Variants in PCDHB1 observed in about 807,000 individuals in gnomAD.
The protein encoded by PCDHB1 is protocadherin beta 1.
Under a neutral mutation model 43.5 loss-of-function variants are expected in PCDHB1, and 44 were observed. The observed-to-expected ratio is 1.01, with a 90% confidence interval of 0.79 to 1.30. The LOEUF is 1.30. PCDHB1 is among the 50% of genes most tolerant of loss of function. The pLI is 0.00. For synonymous variants in PCDHB1, 392 were observed against 400.8 expected (o/e 0.98, Z 0.26); for missense variants, 919 against 1,008.9 (o/e 0.91, Z 1.21).
chr5:141,053,465 T>C lies in PCDHB1; in HGVS notation c.1995T>C (p.Asp665=), dbSNP rs1554267465. Residue 665 remains aspartate, a synonymous_variant, in exon 1 of 1, where the codon GAT becomes GAC. Coordinates refer to ENST00000306549, the MANE Select transcript of PCDHB1 (RefSeq NM_013340.4). ...TTVSLNILLV[D]GFSEPYLQFQ... is the part of the protein sequence containing the mutation. ...TCTCACTCAACATCCTGCTGGTAGA[T>C]GGCTTTTCAGAGCCCTACCTGCAGT... 5 of 1,614,190 alleles carry C rather than the reference T, an allele frequency of 3.1e-6. No individual in the cohort carries two copies. In the South Asian group the frequency reaches 4.4e-5, roughly 14 times the overall value.
rs554397041 is a variant in PCDHB1, at chr5:141,052,619, C to G, written c.1149C>G (p.Thr383=). 3 of 1,614,112 alleles carry G rather than the reference C, an allele frequency of 1.9e-6. No individual in the cohort carries two copies. The African/African-American group carries it at 4.0e-5, about 22-fold the overall frequency. Residue 383 remains threonine, a synonymous_variant, in exon 1 of 1, where the codon ACC becomes ACG. Coordinates refer to ENST00000306549, the MANE Select transcript of PCDHB1 (RefSeq NM_013340.4). ...ACATTCGAGTGGGAGGAAAAGTCAC[C>G]TGCTTCCTCAGAGAAGACCTTCCCT... The part of the protein sequence containing the change: ...DRDIRVGGKV[T]CFLREDLPFV...
chr5:141,052,721 C>T lies in PCDHB1; in HGVS notation c.1251C>T (p.Gly417=). 6.2e-7 allele frequency: 1 copy of T among 1,614,166 alleles called. No homozygotes were observed. Among genetic ancestry groups the T allele is most frequent in the Non-Finnish European group, 8.5e-7 (1 of 1,180,014 alleles). The change falls in exon 1 of 1, where the codon GGC becomes GGT. Residue 417 remains glycine (G), a synonymous_variant. Coordinates refer to ENST00000306549, the MANE Select transcript of PCDHB1 (RefSeq NM_013340.4). The part of the protein sequence containing the change: ...DRSLDREEVS[G]YNITIVAMDT... ...GCTTGGATCGGGAGGAGGTCTCAGGCTATAATATCACCATTGTTGCCATGG... is the reference window on the plus strand; with the variant it reads ...GCTTGGATCGGGAGGAGGTCTCAGGTTATAATATCACCATTGTTGCCATGG...
rs1454729665 is a variant in PCDHB1 at position 141,051,560 on chromosome 5, T to A, written c.90T>A (p.Thr30=). The A allele has an allele frequency of 6.2e-7, 1 of 1,614,128 alleles. No homozygotes were observed. The highest frequency in any genetic ancestry group is 1.7e-5 in the Admixed American group (1 of 60,010). Residue 30 remains threonine (T), a synonymous_variant, in exon 1 of 1, where the codon ACT becomes ACA. Coordinates refer to ENST00000306549, the MANE Select transcript of PCDHB1 (RefSeq NM_013340.4). Reference sequence around the variant, plus strand: ...GCATATCTGTGGGGGATGCGACAACTATCCGCTATTCAGTGGCAGAGGAAA... The same window carrying A: ...GCATATCTGTGGGGGATGCGACAACAATCCGCTATTCAGTGGCAGAGGAAA... ...FLCISVGDAT[T]IRYSVAEEME...
In PCDHB1 at chr5:141,052,935, T is replaced by C; in HGVS notation, c.1465T>C (p.Tyr489His). 6.2e-7 allele frequency: 1 copy of C among 1,614,192 alleles called. No individual in the cohort carries two copies. The highest frequency in any genetic ancestry group is 8.5e-7 in the Non-Finnish European group (1 of 1,180,032). ...TTTGGGTGAGAATGCCCAAATAACATATTCTCTGTTGCCTCCAAAAAACGG... is the reference window on the plus strand; with the variant it reads ...TTTGGGTGAGAATGCCCAAATAACACATTCTCTGTTGCCTCCAAAAAACGG... The part of the protein sequence containing the change: ...LDLGENAQIT[Y>H]SLLPPKNGDL... Residue 489 changes from tyrosine (Y) to histidine (H), a missense_variant, in exon 1 of 1, where the codon TAT becomes CAT. Transcript: ENST00000306549.
rs782730367 is a variant in PCDHB1, at chr5:141,052,747, A to T, written c.1277A>T (p.Asp426Val). 34 of 1,614,164 alleles carry T rather than the reference A, an allele frequency of 2.1e-5. 1 individual carries two copies. In the South Asian group the frequency reaches 3.6e-4, roughly 17 times the overall value. The change falls in exon 1 of 1, where the codon GAT becomes GTT. Residue 426 changes from aspartate (D) to valine (V), a missense_variant. By Grantham distance (152) the Asp-to-Val change is radical. Coordinates refer to ENST00000306549, the MANE Select transcript of PCDHB1 (RefSeq NM_013340.4). ...SGYNITIVAM[D>V]TGPPSLSAET... The stretch of plus-strand genomic sequence containing the variant: ...TATAATATCACCATTGTTGCCATGG[A>T]TACTGGACCACCTAGCTTGTCTGCC...
chr5:141,052,869 C>T lies in PCDHB1; in HGVS notation c.1399C>T (p.Pro467Ser), dbSNP rs782144889. The T allele has an allele frequency of 1.2e-6, 2 of 1,614,146 alleles. No individual in the cohort carries two copies. The highest frequency in any genetic ancestry group is 2.7e-5 in the African/African-American group (2 of 75,016). Residue 467 changes from proline to serine, a missense_variant, in exon 1 of 1, where the codon CCT becomes TCT. Coordinates refer to ENST00000306549, the MANE Select transcript of PCDHB1 (RefSeq NM_013340.4). The stretch of plus-strand genomic sequence containing the variant: ...CTTGACTGTTCGAGAAAACAACAGT[C>T]CTGCGGTTTTTATTGGCAAAGTCCA... ...YILTVRENNSPAVFIGKVHAE... is the reference protein window; with the variant it reads ...YILTVRENNSSAVFIGKVHAE...
chr5:141,057,540 CAAAAAAAAA>C lies in PCDHB1; in HGVS notation c.*3623_*3631del, dbSNP rs370497604. Reference sequence around the variant, plus strand: ...CTGGCGACAAAGCAAGACTCTGTCTCAAAAAAAAAAAAAAAAAAGAAAAAAAGAAAAAAG... The same window carrying C: ...CTGGCGACAAAGCAAGACTCTGTCTCAAAAAAAAAGAAAAAAAGAAAAAAG... On this transcript the variant is annotated 3_prime_UTR_variant, in exon 1 of 1. Coordinates refer to ENST00000306549, the MANE Select transcript of PCDHB1 (RefSeq NM_013340.4). The C allele has an allele frequency of 2.8e-5, 2 of 72,356 alleles. No homozygotes were observed. Among genetic ancestry groups the C allele is most frequent in the South Asian group, 9.0e-4 (2 of 2,234 alleles). 4.5% of individuals were successfully genotyped at this position (72,356 alleles called of 1,614,324 possible). A position where few individuals can be genotyped will look rare whatever the true frequency, so the allele number is the denominator to read the frequency against.
In PCDHB1 at chr5:141,053,688, C is replaced by T. The variant is rs782592279; in HGVS notation, c.2218C>T (p.Leu740=). ...TGATGACTGTAATTTCTCTAACAAC[C>T]TGGTACAAGGACAAGGCAATGGATC... is the stretch of plus-strand genomic sequence containing the variant. The part of the protein sequence containing the change: ...FYDDCNFSNN[L]VQGQGNGSLS... Residue 740 remains leucine, a synonymous_variant, in exon 1 of 1, where the codon CTG becomes TTG. Coordinates refer to ENST00000306549, the MANE Select transcript of PCDHB1 (RefSeq NM_013340.4). 6.2e-7 allele frequency: 1 copy of T among 1,614,108 alleles called. No individual in the cohort carries two copies. The highest frequency in any genetic ancestry group is 8.5e-7 in the Non-Finnish European group (1 of 1,179,966).
rs782188780 is a variant in PCDHB1 at position 141,052,097 on chromosome 5, C to T, written c.627C>T (p.Asn209=). Reference sequence around the variant, plus strand: ...ACCGAGAGGAGCAGCCTGAAGTCAACTTGACAATTACGGCGGTGGACGGCG... The same window carrying T: ...ACCGAGAGGAGCAGCCTGAAGTCAATTTGACAATTACGGCGGTGGACGGCG... ...PLDREEQPEV[N]LTITAVDGGS... Residue 209 remains asparagine (N), a synonymous_variant, in exon 1 of 1, where the codon AAC becomes AAT. Coordinates refer to ENST00000306549, the MANE Select transcript of PCDHB1 (RefSeq NM_013340.4). 1.9e-6 allele frequency: 3 copies of T among 1,614,062 alleles called. No individual in the cohort carries two copies. The highest frequency in any genetic ancestry group is 3.3e-5 in the Admixed American group (2 of 60,014).
chr5:141,052,413 T>C lies in PCDHB1; in HGVS notation c.943T>C (p.Tyr315His), dbSNP rs1554267241. 2 of 1,614,208 alleles carry C rather than the reference T, an allele frequency of 1.2e-6. No individual in the cohort carries two copies. The highest frequency in any genetic ancestry group is 1.1e-5 in the South Asian group (1 of 91,086). ...CCTCGATTTTGAAGCCATTGAAACA[T>C]ACGACATTGACATTCAAGCTACAGA... Reference protein sequence around the residue: ...GPLDFEAIETYDIDIQATDGG... With the variant: ...GPLDFEAIETHDIDIQATDGG... The change falls in exon 1 of 1, where the codon TAC becomes CAC. Residue 315 changes from tyrosine to histidine, a missense_variant. Coordinates refer to ENST00000306549, the MANE Select transcript of PCDHB1 (RefSeq NM_013340.4).
rs1554267195 is a variant in PCDHB1 at position 141,052,158 on chromosome 5, G to T, written c.688G>T (p.Val230Leu). 2 of 1,613,820 alleles carry T rather than the reference G, an allele frequency of 1.2e-6. No individual in the cohort carries two copies. Reference protein sequence around the residue: ...PPKSGTAHIHVVVLDVNDHVP... With the variant: ...PPKSGTAHIHLVVLDVNDHVP... ...TAAGTCTGGCACAGCTCACATCCAC[G>T]TGGTGGTTCTGGATGTCAACGACCA... is the stretch of plus-strand genomic sequence containing the variant. The change falls in exon 1 of 1, where the codon GTG (valine) becomes TTG (leucine). Residue 230 changes from valine (V) to leucine (L), a missense_variant. By Grantham distance (32) the Val-to-Leu change is conservative (BLOSUM62 1). Coordinates refer to ENST00000306549, the MANE Select transcript of PCDHB1 (RefSeq NM_013340.4).
Position 141,056,037 on chromosome 5 carries a change from C to G in PCDHB1, c.*2110C>G, listed in dbSNP as rs1343876211. ...CTATGATTGCACTTCTGCACTCCAG[C>G]CTGGGCAAAAGAGTGAAACCTCATC... On this transcript the variant is annotated 3_prime_UTR_variant, in exon 1 of 1. Transcript: ENST00000306549. 6 of 151,342 alleles carry G rather than the reference C, an allele frequency of 4.0e-5. No individual in the cohort carries two copies. Among genetic ancestry groups the G allele is most frequent in the African/African-American group, 7.3e-5 (3 of 41,016 alleles). 9.4% of individuals were successfully genotyped at this position (151,342 alleles called of 1,614,324 possible).
At position 141,053,901 on chromosome 5, in the gene PCDHB1, G is replaced by C; in HGVS notation, c.2431G>C (p.Asp811His). 2 of 1,613,982 alleles carry C rather than the reference G, an allele frequency of 1.2e-6. No individual in the cohort carries two copies. Among genetic ancestry groups the C allele is most frequent in the Non-Finnish European group, 1.7e-6 (2 of 1,179,896 alleles). ...TAAGTCTCAGAGATTAGAGGGCCATGACCAGGTATCTGATGACTATATGTA... is the reference window on the plus strand; with the variant it reads ...TAAGTCTCAGAGATTAGAGGGCCATCACCAGGTATCTGATGACTATATGTA... The part of the protein sequence containing the change: ...RNKSQRLEGH[D>H]QVSDDYM The change falls in exon 1 of 1, where the codon GAC (aspartate) becomes CAC (histidine). Residue 811 changes from aspartate to histidine, a missense_variant. Physicochemically the swap from Asp to His is moderately conservative, Grantham distance 81. Coordinates refer to ENST00000306549, the MANE Select transcript of PCDHB1 (RefSeq NM_013340.4).
In PCDHB1 at chr5:141,051,943, A is replaced by C; in HGVS notation, c.473A>C (p.Gln158Pro). ...LGSRFPLQSA[Q>P]DLDVGLNGLQ... ...TCACGTTTTCCTCTGCAGAGCGCCCAGGATCTGGACGTGGGCCTTAACGGT... is the reference window on the plus strand; with the variant it reads ...TCACGTTTTCCTCTGCAGAGCGCCCCGGATCTGGACGTGGGCCTTAACGGT... Residue 158 changes from glutamine to proline, a missense_variant, in exon 1 of 1, where the codon CAG becomes CCG. Physicochemically the swap from Gln to Pro is moderately conservative, Grantham distance 76 (BLOSUM62 -1). Transcript: ENST00000306549. 6.2e-7 allele frequency: 1 copy of C among 1,614,210 alleles called. No homozygotes were observed. Among genetic ancestry groups the C allele is most frequent in the South Asian group, 1.1e-5 (1 of 91,080 alleles).
Position 141,058,861 on chromosome 5 carries a change from A to T in PCDHB1, c.*4934A>T, listed in dbSNP as rs1751184016. 6.6e-6 allele frequency: 1 copy of T among 152,108 alleles called. No individual in the cohort carries two copies. The highest frequency in any genetic ancestry group is 2.4e-5 in the African/African-American group (1 of 41,438). The allele number at this position is 152,108 out of a possible 1,614,324, so 9.4% of individuals were successfully genotyped here. ...TACTTTCCCCCCCACTTATTTAGTT[A>T]GTTATTTCTTTACATAAGGATACCT... is the stretch of plus-strand genomic sequence containing the variant. On this transcript the variant is annotated 3_prime_UTR_variant, in exon 1 of 1. Coordinates refer to ENST00000306549, the MANE Select transcript of PCDHB1 (RefSeq NM_013340.4).
rs547383500 is a variant in PCDHB1, at chr5:141,055,784, A to C, written c.*1857A>C. 9.8e-4 allele frequency: 150 copies of C among 152,366 alleles called. 2 individuals are homozygous for C. The highest frequency in any genetic ancestry group is 3.5e-3 in the African/African-American group (147 of 41,596). The allele number at this position is 152,366 out of a possible 1,614,324, so 9.4% of individuals were successfully genotyped here. ...GGGAGACAACTTAAGCTTCTCTTTG[A>C]TCACCACTGTTTGATTTCATAAGCT... On this transcript the variant is annotated 3_prime_UTR_variant, in exon 1 of 1. Transcript: ENST00000306549.
rs62378058 is a variant in PCDHB1 at position 141,056,859 on chromosome 5, G to A, written c.*2932G>A. ...TGGTCTCGAGCTCCTGATCTCAGGT[G>A]ATCCACCCGCCTTGGCCTCCCAAAG... On this transcript the variant is annotated 3_prime_UTR_variant, in exon 1 of 1. Coordinates refer to ENST00000306549, the MANE Select transcript of PCDHB1 (RefSeq NM_013340.4). The A allele has an allele frequency of 0.11, 16,962 of 152,254 alleles. 1,255 individuals are homozygous for A. The highest frequency in any genetic ancestry group is 0.15 in the Admixed American group (2,273 of 15,284). The allele number at this position is 152,254 out of a possible 1,614,324, so 9.4% of individuals were successfully genotyped here.
At position 141,054,051 on chromosome 5, in the gene PCDHB1, T is replaced by C; in HGVS notation, c.*124T>C. On this transcript the variant is annotated 3_prime_UTR_variant, in exon 1 of 1. Coordinates refer to ENST00000306549, the MANE Select transcript of PCDHB1 (RefSeq NM_013340.4). ...GCAGCTTTAGTAAAGATAAGAGTACTTAGTTTGGTGAAAATGGGAAACCTA... is the reference window on the plus strand; with the variant it reads ...GCAGCTTTAGTAAAGATAAGAGTACCTAGTTTGGTGAAAATGGGAAACCTA... 2 of 802,548 alleles carry C rather than the reference T, an allele frequency of 2.5e-6. No homozygotes were observed. Among genetic ancestry groups the C allele is most frequent in the Non-Finnish European group, 3.9e-6 (2 of 516,894 alleles). The allele number at this position is 802,548 out of a possible 1,614,324, so 49.7% of individuals were successfully genotyped here.
Position 141,058,783 on chromosome 5 carries a change from A to T in PCDHB1, c.*4856A>T, listed in dbSNP as rs1311638754. 2.0e-5 allele frequency: 3 copies of T among 152,050 alleles called. No homozygotes were observed. The highest frequency in any genetic ancestry group is 6.6e-5 in the Admixed American group (1 of 15,258). The allele number at this position is 152,050 out of a possible 1,614,324, so 9.4% of individuals were successfully genotyped here. On this transcript the variant is annotated 3_prime_UTR_variant, in exon 1 of 1. Coordinates refer to ENST00000306549, the MANE Select transcript of PCDHB1 (RefSeq NM_013340.4). ...TGTGGCATTCTAATGGTGATTTTCT[A>T]TTTCTCTATTTCCTTTTACATTAAT... is the stretch of plus-strand genomic sequence containing the variant.
Sources: gnomAD v4.1 joint callset for allele counts on GRCh38, gnomAD v4.1.1 for gene constraint, MANE v1.5 for transcripts, NCBI Gene and HGNC (gene_info 2026-07-23, HGNC 2026-07-21) for gene names.